The following MEGF10 variants were observed in gnomAD, a reference collection of about 807,000 sequenced individuals.
The protein encoded by MEGF10 is multiple epidermal growth factor-like domains protein 10.
Under a neutral mutation model 147.5 loss-of-function variants are expected in MEGF10, and 86 were observed. That is an observed-to-expected ratio of 0.58 (90% CI 0.49 to 0.70). The LOEUF (loss-of-function observed/expected upper bound fraction) is 0.70. Among genes scored for constraint, MEGF10 ranks in the 30% least tolerant of loss-of-function variants. The probability of loss-of-function intolerance (pLI) is 0.00; values close to 1 mark genes in which losing one functional copy is unlikely to be tolerated. For missense variants in MEGF10, 1,329 were observed against 1,487.3 expected (o/e 0.89, Z 1.75); for synonymous variants, 478 against 525.5 (o/e 0.91, Z 1.24).
At chr5:127,346,946 T>C (rs186662569) in intron 4 of MEGF10, among the ~76,000 whole-genome samples, 12 of 152,210 alleles carry the variant, frequency 7.9e-5, no homozygotes, top group African/African-American at 2.9e-4. Flanking sequence ...ATATATATCT[T>C]ATACATACAG....
intron 1 of MEGF10, among the ~76,000 whole-genome samples, chr5:127,298,956 C>T (rs922016854): frequency 4.6e-5 from 7 of 152,112 alleles, no homozygotes; most frequent in Non-Finnish European, 8.8e-5. Flanking sequence ...CTACTTGCAG[C>T]AATGTGTCAG....
At chr5:127,407,164 T>C (rs1764364580) in intron 8 of MEGF10, among the ~76,000 whole-genome samples, 1 of 152,148 alleles carries the variant, frequency 6.6e-6, no homozygotes, top group Non-Finnish European at 1.5e-5. Context: ...GTGGAGATGT[T>C]GGCTCTTTCC....
chr5:127,315,781 C>A (rs79876447), intron 1 of MEGF10, among the ~76,000 whole-genome samples: 1 of 152,058 alleles, frequency 6.6e-6, no homozygotes, highest in Non-Finnish European at 1.5e-5. Context: ...CTTAAAAAAA[C>A]AAACCAAAAC....
chr5:127,247,387 AAGAAGAAGAAGAAGAAGAAGAAG>A, the MEGF10 span, among the ~76,000 whole-genome samples: 1 of 26,814 alleles, frequency 3.7e-5, no homozygotes, highest in Non-Finnish European at 7.4e-5. Flanking sequence ...GAAGAAGAAG[AAGAAGAAGAAGAAGAAGAAGAAG>A]AAGAAGAAGA....
the MEGF10 span, among the ~76,000 whole-genome samples, chr5:127,234,217 AG>A: frequency 2.0e-5 from 3 of 152,216 alleles, no homozygotes; most frequent in African/African-American, 7.2e-5. Context: ...GGAAGGAAGA[AG>A]GTATGCACAA....
chr5:127,250,136 A>G, the MEGF10 span, among the ~76,000 whole-genome samples: 1 of 152,228 alleles, frequency 6.6e-6, no homozygotes, highest in East Asian at 1.9e-4. Flanking sequence ...GTAACCATGA[A>G]TAAAACTTAT....
chr5:127,389,160 C>T (rs561387406), intron 5 of MEGF10, among the ~76,000 whole-genome samples: 3 of 152,316 alleles, frequency 2.0e-5, no homozygotes, highest in African/African-American at 7.2e-5. Context: ...AGTTTTGGGA[C>T]ATTTTACCTA....
chr5:127,289,570 A>C (rs1237448270), upstream of MEGF10, among the ~76,000 whole-genome samples: 2 of 152,200 alleles, frequency 1.3e-5, no homozygotes, highest in Admixed American at 6.5e-5. Context: ...AGAAGGGGCA[A>C]TGATGACTGC....
intron 4 of MEGF10, among the ~76,000 whole-genome samples, chr5:127,361,651 G>A (rs2126841889): frequency 6.6e-6 from 1 of 152,106 alleles, no homozygotes; most frequent in African/African-American, 2.4e-5. Context: ...CATAATGTAG[G>A]CATTTGGTGC....
At chr5:127,328,718 A>G (rs1040236393) in intron 1 of MEGF10, among the ~76,000 whole-genome samples, 1 of 152,238 alleles carries the variant, frequency 6.6e-6, no homozygotes, top group African/African-American at 2.4e-5. Context: ...GACTCAGGAA[A>G]TAAACTTTCC....
chr5:127,246,933 T>TACTATATA, the MEGF10 span, among the ~76,000 whole-genome samples: 1 of 126,590 alleles, frequency 7.9e-6, no homozygotes, highest in African/African-American at 3.1e-5. Context: ...TACAATAATA[T>TACTATATA]ATGATTATAT....
chr5:127,418,996 A>C (rs919987711), intron 10 of MEGF10, 124 bp from the exon 11 acceptor site: 103 of 1,217,924 alleles, frequency 8.5e-5, no homozygotes, highest in Non-Finnish European at 1.1e-4. Context: ...AATTTTAAAA[A>C]TACAGTGTGT....
chr5:127,353,259 A>G (rs1762153260), intron 4 of MEGF10, among the ~76,000 whole-genome samples: 3 of 152,244 alleles, frequency 2.0e-5, no homozygotes, highest in Admixed American at 1.3e-4. Context: ...GAATAAATGA[A>G]CAACTATTGA....
At chr5:127,247,194 A>C in the MEGF10 span, among the ~76,000 whole-genome samples, 2 of 145,864 alleles carry the variant, frequency 1.4e-5, no homozygotes, top group African/African-American at 2.5e-5. Flanking sequence ...AATTTTAGAC[A>C]AAACAAATTT....
chr5:127,283,095 G>A, the MEGF10 span, among the ~76,000 whole-genome samples: 2 of 152,152 alleles, frequency 1.3e-5, no homozygotes, highest in African/African-American at 4.8e-5. Flanking sequence ...GTTAGTTGGA[G>A]TTGGTTTGTG....
the MEGF10 span, among the ~76,000 whole-genome samples, chr5:127,272,035 T>G: frequency 1.3e-5 from 2 of 152,312 alleles, no homozygotes; most frequent in East Asian, 3.9e-4. Context: ...TGCCTAGATT[T>G]TCTTCTAGAG....
chr5:127,442,807 A>C (rs1765803342), intron 18 of MEGF10, among the ~76,000 whole-genome samples, 191 bp from the exon 19 acceptor site: 1 of 152,202 alleles, frequency 6.6e-6, no homozygotes, highest in African/African-American at 2.4e-5. Flanking sequence ...AGCCCTGTGC[A>C]GTCTGGACTG....
Position 127,423,243 on chromosome 5 carries a change from C to T in MEGF10, c.1693+471C>T, listed in dbSNP as rs149247086. Among the ~76,000 whole-genome samples, 281 of 152,236 alleles carry T rather than the reference C, an allele frequency of 1.8e-3. 7 individuals are homozygous for T. The East Asian group carries it at 0.05, about 27-fold the overall frequency. On this transcript the variant is annotated intron_variant, in intron 13 of 24. Transcript: ENST00000503335. ...CTGGAAGTAAAAGTTTTAAAACTTTCTTTTTTTACGATAATGTTCTGGTCA... is the reference window on the plus strand; with the variant it reads ...CTGGAAGTAAAAGTTTTAAAACTTTTTTTTTTTACGATAATGTTCTGGTCA...
At chr5:127,445,190 C>CT in intron 19 of MEGF10, 5 of 452,302 alleles carry the variant, frequency 1.1e-5, no homozygotes, top group Non-Finnish European at 2.0e-5. Flanking sequence ...CCTCAGTCTC[C>CT]TGAGTAGCTG....
Sources: allele counts gnomAD v4.1 joint callset (sites outside exome capture counted in the v4.1 genomes callset), GRCh38; gene constraint gnomAD v4.1.1; transcripts MANE v1.5; gene names NCBI Gene and HGNC (gene_info 2026-07-23, HGNC 2026-07-21).